The following ADGRG5 variants were observed in gnomAD, a reference collection of about 807,000 sequenced individuals.
ADGRG5 encodes adhesion G protein-coupled receptor G5.
In ADGRG5, 37 loss-of-function variants were observed where a neutral mutation model predicts 53.2. The ratio of observed to expected loss-of-function variants is 0.70; its 90% CI spans 0.53 to 0.91. The LOEUF is 0.91. ADGRG5 is among the 40% of genes least tolerant of loss of function. The pLI is 0.00. For synonymous variants in ADGRG5, 277 were observed against 290.4 expected (o/e 0.95, Z 0.47); for missense variants, 614 against 675.8 (o/e 0.91, Z 1.01).
chr16:57,567,467 C>T lies in ADGRG5; in HGVS notation c.700-3C>T. 6.2e-7 allele frequency: 1 copy of T among 1,606,938 alleles called. No individual in the cohort carries two copies. Among genetic ancestry groups the T allele is most frequent in the East Asian group, 2.2e-5 (1 of 44,874 alleles). On this transcript the variant is annotated splice_region_variant and splice_polypyrimidine_tract_variant and intron_variant, in intron 7 of 11. Transcript: ENST00000349457. ...GGCCTCCAGCCCCTCTTCCCTCCTG[C>T]AGCAACTCTCCCCAGCCCTGGTCCC...
At chr16:57,563,041 C>T (rs2033041601) in intron 3 of ADGRG5, 50 bp from the exon 4 acceptor site, 2 of 1,609,022 alleles carry the variant, frequency 1.2e-6, no homozygotes, top group Non-Finnish European at 1.7e-6. Flanking sequence ...CCCTCTCACC[C>T]TTACCCCACT....
chr16:57,546,583 C>T (rs1234020876), intron 1 of ADGRG5, among the ~76,000 whole-genome samples: 1 of 152,114 alleles, frequency 6.6e-6, no homozygotes, highest in Non-Finnish European at 1.5e-5. Context: ...TTACATATGG[C>T]CTTCTTTTGG....
At position 57,567,965 on chromosome 16, in the gene ADGRG5, G is replaced by A. The variant is rs777573092; in HGVS notation, c.931G>A (p.Gly311Arg). 13 of 1,613,872 alleles carry A rather than the reference G, an allele frequency of 8.1e-6. No homozygotes were observed. Among genetic ancestry groups the A allele is most frequent in the South Asian group, 2.2e-5 (2 of 91,090 alleles). ...SPAFAMSPVP[G>R]SACTALAAAL... ...CGCATTCGCAATGTCTCCTGTGCCC[G>A]GGTCAGCATGCACGGCTCTGGCCGC... The change falls in exon 9 of 12, where the codon GGG becomes AGG. Residue 311 changes from glycine (G) to arginine (R), a missense_variant. By Grantham distance (125) the Gly-to-Arg change is moderately radical. Transcript: ENST00000349457.
intron 1 of ADGRG5, among the ~76,000 whole-genome samples, chr16:57,551,886 G>A (rs993622053): frequency 2.6e-5 from 4 of 152,294 alleles, no homozygotes; most frequent in Admixed American, 1.3e-4. Flanking sequence ...CTTGAAGGTC[G>A]AAATGACTCC....
chr16:57,563,354 C>A, intron 4 of ADGRG5, 107 bp downstream of exon 4: 2 of 952,610 alleles, frequency 2.1e-6, no homozygotes, highest in Non-Finnish European at 1.6e-6. Context: ...CCTCCCCACA[C>A]CCCACAGTCC....
At chr16:57,536,638 CA>C in the ADGRG5 span, 2 of 152,146 alleles carry the variant, frequency 1.3e-5, no homozygotes, top group Non-Finnish European at 2.9e-5. Flanking sequence ...GGAGGGGAAG[CA>C]GGGGGAGCGG....
chr16:57,540,907 C>T (rs1374262285), upstream of ADGRG5, among the ~76,000 whole-genome samples: 2 of 152,182 alleles, frequency 1.3e-5, no homozygotes, highest in East Asian at 3.9e-4. Flanking sequence ...TCTTGTGCCT[C>T]AGTCTCCCGA....
Position 57,567,918 on chromosome 16 carries a change from A to G in ADGRG5, c.884A>G (p.Asn295Ser). 5.0e-6 allele frequency: 8 copies of G among 1,613,602 alleles called. No homozygotes were observed. Among genetic ancestry groups the G allele is most frequent in the Admixed American group, 1.7e-5 (1 of 59,988 alleles). The change falls in exon 9 of 12, where the codon AAC becomes AGC. Residue 295 changes from asparagine to serine, a missense_variant. Transcript: ENST00000349457. The stretch of plus-strand genomic sequence containing the variant: ...CTGCATGCCTCCGTGCTGCTCCTGA[A>G]CATCGCCTTCCTGCTGAGCCCCGCA... ...MNLHASVLLL[N>S]IAFLLSPAFA...
rs2146814847 is a variant in ADGRG5, at chr16:57,568,050, T to A, written c.1016T>A (p.Leu339His). Residue 339 changes from leucine (L) to histidine (H), a missense_variant, in exon 9 of 12, where the codon CTC becomes CAC. Transcript: ENST00000349457. Reference sequence around the variant, plus strand: ...TGGATGGCCATCGAGGGCTTCAACCTCTACCTCCTCCTCGGGCGTGTCTAC... The same window carrying A: ...TGGATGGCCATCGAGGGCTTCAACCACTACCTCCTCCTCGGGCGTGTCTAC... ...LTWMAIEGFN[L>H]YLLLGRVYNI... The A allele has an allele frequency of 6.2e-7, 1 of 1,614,020 alleles. No individual in the cohort carries two copies. Among genetic ancestry groups the A allele is most frequent in the South Asian group, 1.1e-5 (1 of 91,088 alleles).
chr16:57,575,567 C>A lies in ADGRG5; in HGVS notation c.*29C>A, dbSNP rs2033494890. ...GGGCCTCCTGGCCTGGAATCCTCAG[C>A]CTCTCTGGCCGCCAGTAGCCTGAGG... On this transcript the variant is annotated 3_prime_UTR_variant, in exon 12 of 12. Transcript: ENST00000349457. The A allele has an allele frequency of 1.3e-6, 2 of 1,565,974 alleles. No homozygotes were observed. The highest frequency in any genetic ancestry group is 1.8e-6 in the Non-Finnish European group (2 of 1,137,230).
the ADGRG5 span, among the ~76,000 whole-genome samples, chr16:57,533,453 CACAT>C: frequency 5.3e-5 from 8 of 152,082 alleles, no homozygotes; most frequent in Non-Finnish European, 8.8e-5. Flanking sequence ...GACACACACT[CACAT>C]ACAGCCCCAG....
Position 57,574,568 on chromosome 16 carries a change from G to A in ADGRG5, c.1209-247G>A, listed in dbSNP as rs1018660151. On this transcript the variant is annotated intron_variant, in intron 10 of 11. Coordinates refer to ENST00000349457, the MANE Select transcript of ADGRG5 (RefSeq NM_001304376.3). The surrounding 1 kb of genome is among the most constrained non-coding windows in gnomAD (Gnocchi z 4.4). ...TTCAGGGGGGTGAAGACATGGGGAC[G>A]TGAGAGAAACCACTGTGGCTGGAAA... Among the ~76,000 whole-genome samples the A allele has an allele frequency of 2.6e-5, 4 of 152,236 alleles. No individual in the cohort carries two copies. The highest frequency in any genetic ancestry group is 1.9e-4 in the East Asian group (1 of 5,196).
chr16:57,558,199 G>A (rs1158574702), intron 1 of ADGRG5, among the ~76,000 whole-genome samples: 4 of 152,118 alleles, frequency 2.6e-5, no homozygotes, highest in Non-Finnish European at 5.9e-5. Flanking sequence ...GAACTCTTGG[G>A]CTCAAATGAT....
intron 3 of ADGRG5, among the ~76,000 whole-genome samples, 178 bp from the exon 4 acceptor site, chr16:57,562,913 G>C (rs1415076842): frequency 6.6e-6 from 1 of 152,124 alleles, no homozygotes; most frequent in Admixed American, 6.5e-5. Context: ...CAAGAGGAGG[G>C]GATAGATGGG....
intron 1 of ADGRG5, among the ~76,000 whole-genome samples, chr16:57,560,354 C>T (rs1315708180): frequency 6.6e-6 from 1 of 152,202 alleles, no homozygotes; most frequent in Non-Finnish European, 1.5e-5. Flanking sequence ...TCTCAGTAAT[C>T]CTTGGTTGAC....
Position 57,575,541 on chromosome 16 carries a change from C to G in ADGRG5, c.*3C>G. The G allele has an allele frequency of 6.2e-7, 1 of 1,611,342 alleles. No individual in the cohort carries two copies. Among genetic ancestry groups the G allele is most frequent in the Non-Finnish European group, 8.5e-7 (1 of 1,177,516 alleles). ...GCTCCTCCCAAACAACACAGTAGTC[C>G]GGGCCTCCTGGCCTGGAATCCTCAG... On this transcript the variant is annotated 3_prime_UTR_variant, in exon 12 of 12. Coordinates refer to ENST00000349457, the MANE Select transcript of ADGRG5 (RefSeq NM_001304376.3).
Position 57,570,616 on chromosome 16 carries a change from C to T in ADGRG5, c.1208+81C>T, listed in dbSNP as rs1337417971. The stretch of plus-strand genomic sequence containing the variant: ...GGCCTGGGGCTCCAAATGGAATATC[C>T]TGTAGGCAAAGCACTGGCTGTGGGG... On this transcript the variant is annotated intron_variant, in intron 10 of 11. Coordinates refer to ENST00000349457, the MANE Select transcript of ADGRG5 (RefSeq NM_001304376.3). 3.9e-6 allele frequency: 4 copies of T among 1,029,416 alleles called. No individual in the cohort carries two copies. In the East Asian group the frequency reaches 9.6e-5, roughly 25 times the overall value. 63.8% of individuals were successfully genotyped at this position (1,029,416 alleles called of 1,614,324 possible). A position where few individuals can be genotyped will look rare whatever the true frequency, so the allele number is the denominator to read the frequency against.
chr16:57,530,621 T>A, the ADGRG5 span, among the ~76,000 whole-genome samples: 1 of 152,044 alleles, frequency 6.6e-6, no homozygotes, highest in East Asian at 1.9e-4. Context: ...AAAAGGAAGC[T>A]GTCAAGCCCC....
chr16:57,560,844 G>T (rs762378651), intron 1 of ADGRG5, among the ~76,000 whole-genome samples: 2 of 152,056 alleles, frequency 1.3e-5, no homozygotes, highest in South Asian at 2.1e-4. Context: ...GAGTGCAGTG[G>T]TATGATTTTG....
Sources: allele counts gnomAD v4.1 joint callset (sites outside exome capture counted in the v4.1 genomes callset), GRCh38; gene constraint gnomAD v4.1.1; non-coding constraint Gnocchi (gnomAD v3.1); transcripts MANE v1.5; gene names NCBI Gene and HGNC (gene_info 2026-07-23, HGNC 2026-07-21).